The following BCL11A variants were observed in gnomAD, a reference collection of about 807,000 sequenced individuals.
BCL11A encodes the protein BCL11 transcription factor A, also known as B cell CLL/lymphoma 11A.
In BCL11A, 2 loss-of-function variants were observed where a neutral mutation model predicts 55.9. That is an observed-to-expected ratio of 0.04 (90% CI 0.01 to 0.11). The LOEUF (loss-of-function observed/expected upper bound fraction) is 0.11. BCL11A is among the 10% of genes least tolerant of loss of function. BCL11A has a pLI of 1.00. For missense variants in BCL11A, 817 were observed against 1,137.1 expected, an observed-to-expected ratio of 0.72 and a Z score of 4.05; for synonymous variants, 465 against 473.4, an observed-to-expected ratio of 0.98 and a Z score of 0.23.
chr2:60,538,999 G>C (rs1669799619), intron 2 of BCL11A, among the ~76,000 whole-genome samples: 1 of 152,212 alleles, frequency 6.6e-6, no homozygotes, highest in Admixed American at 6.5e-5. Flanking sequence ...GGAGGTGGCA[G>C]AGTTGGGGAG....
intron 2 of BCL11A, chr2:60,545,636 T>C (rs1459845581): frequency 8.3e-6 from 2 of 240,898 alleles, no homozygotes; most frequent in Admixed American, 5.1e-5. Flanking sequence ...AAATGGACAA[T>C]GGAAGCTGGA....
intron 2 of BCL11A, among the ~76,000 whole-genome samples, chr2:60,485,104 A>T (rs1678196574): frequency 1.3e-5 from 2 of 152,228 alleles, no homozygotes; most frequent in African/African-American, 2.4e-5. Flanking sequence ...TTGCAGCCAC[A>T]ATTTCGCAAG....
intron 2 of BCL11A, among the ~76,000 whole-genome samples, chr2:60,516,318 G>A (rs1428475956): frequency 6.6e-6 from 1 of 152,214 alleles, no homozygotes; most frequent in African/African-American, 2.4e-5. Flanking sequence ...ACTCAAAAAA[G>A]ACTTGGCTCT....
intron 2 of BCL11A, among the ~76,000 whole-genome samples, chr2:60,480,245 G>A (rs1325614504): frequency 1.3e-5 from 2 of 152,144 alleles, no homozygotes; most frequent in Admixed American, 6.5e-5. Context: ...TCTGAACCTG[G>A]CTCTCCACTC....
In BCL11A at chr2:60,461,496, G is replaced by T; in HGVS notation, c.1416C>A (p.Ser472Arg). ...ALKSVVAKFK[S>R]ENDPNLIPEN... ...CCGGGATCAGGTTGGGGTCGTTCTCGCTCTTGAACTTGGCCACCACGGACT... is the reference window on the plus strand; with the variant it reads ...CCGGGATCAGGTTGGGGTCGTTCTCTCTCTTGAACTTGGCCACCACGGACT... Residue 472 changes from serine to arginine, a missense_variant, in exon 4 of 4, where the codon AGC becomes AGA. Coordinates refer to ENST00000642384, the MANE Select transcript of BCL11A (RefSeq NM_022893.4). The T allele has an allele frequency of 6.2e-7, 1 of 1,605,608 alleles. No homozygotes were observed.
chr2:60,463,351 A>G (rs1443157194), intron 3 of BCL11A, among the ~76,000 whole-genome samples: 1 of 152,256 alleles, frequency 6.6e-6, no homozygotes, highest in Non-Finnish European at 1.5e-5. Flanking sequence ...GCGCCATGAC[A>G]GGCAGCAGGC....
chr2:60,553,791 G>A (rs1670521464), upstream of BCL11A: 1 of 148,382 alleles, frequency 6.7e-6, no homozygotes, highest in African/African-American at 2.5e-5. Flanking sequence ...AGGGGGAGGT[G>A]CGGGGCGGGG....
In BCL11A at chr2:60,461,537, C is replaced by T; in HGVS notation, c.1375G>A (p.Ala459Thr). 2 of 1,609,484 alleles carry T rather than the reference C, an allele frequency of 1.2e-6. No homozygotes were observed. Among genetic ancestry groups the T allele is most frequent in the Non-Finnish European group, 8.5e-7 (1 of 1,179,994 alleles). ...EPGTSDLVGS[A>T]SSALKSVVAK... Reference sequence around the variant, plus strand: ...ACCACGGACTTGAGCGCGCTGCTGGCGCTGCCCACCAAGTCGCTGGTGCCG... The same window carrying T: ...ACCACGGACTTGAGCGCGCTGCTGGTGCTGCCCACCAAGTCGCTGGTGCCG... The change falls in exon 4 of 4, where the codon GCC becomes ACC. Residue 459 changes from alanine to threonine, a missense_variant. Transcript: ENST00000642384.
At position 60,458,105 on chromosome 2, in the gene BCL11A, G is replaced by A; in HGVS notation, c.*2299C>T. 1.9e-6 allele frequency: 2 copies of A among 1,030,030 alleles called. No homozygotes were observed. Among genetic ancestry groups the A allele is most frequent in the South Asian group, 9.2e-5 (2 of 21,624 alleles). 63.8% of individuals were successfully genotyped at this position (1,030,030 alleles called of 1,614,324 possible). A position where few individuals can be genotyped will look rare whatever the true frequency, so the allele number is the denominator to read the frequency against. ...GAACAAGCAACAGTTAAAAATACAA[G>A]CTTCAATATAAATACTATAGTGCCT... is the stretch of plus-strand genomic sequence containing the variant. On this transcript the variant is annotated 3_prime_UTR_variant, in exon 4 of 4. Transcript: ENST00000642384.
At position 60,460,969 on chromosome 2, in the gene BCL11A, G is replaced by A. The variant is rs987223589; in HGVS notation, c.1943C>T (p.Ala648Val). The A allele has an allele frequency of 2.5e-6, 4 of 1,610,268 alleles. No individual in the cohort carries two copies. In the African/African-American group the frequency reaches 4.0e-5, roughly 16 times the overall value. ...LEKEFDLPPA[A>V]MPNTENVYSQ... ...GTACACGTTCTCCGTGTTGGGCATC[G>A]CGGCCGGGGGCAGGTCGAACTCCTT... Residue 648 changes from alanine to valine, a missense_variant, in exon 4 of 4, where the codon GCG becomes GTG. Transcript: ENST00000642384.
rs932013583 is a variant in BCL11A, at chr2:60,460,364, G to C, written c.*40C>G. ...TGGGGAAGGGGAGTGGTGAAAAAGG[G>C]GGTGTCAGGTGGGAGTGAGGGAGGG... is the stretch of plus-strand genomic sequence containing the variant. On this transcript the variant is annotated 3_prime_UTR_variant, in exon 4 of 4. Coordinates refer to ENST00000642384, the MANE Select transcript of BCL11A (RefSeq NM_022893.4). The C allele has an allele frequency of 6.5e-7, 1 of 1,550,066 alleles. No individual in the cohort carries two copies. Among genetic ancestry groups the C allele is most frequent in the East Asian group, 2.3e-5 (1 of 44,076 alleles).
intron 2 of BCL11A, among the ~76,000 whole-genome samples, chr2:60,478,699 T>C (rs1677775604): frequency 6.6e-6 from 1 of 152,246 alleles, no homozygotes; most frequent in African/African-American, 2.4e-5. Flanking sequence ...TAACATTTCT[T>C]CAGGAATAAA....
At chr2:60,476,898 T>G (rs750088992) in intron 2 of BCL11A, among the ~76,000 whole-genome samples, 2 of 152,238 alleles carry the variant, frequency 1.3e-5, no homozygotes, top group Admixed American at 6.5e-5. Flanking sequence ...TTAATGAGAT[T>G]TTTGTGTGTA....
intron 2 of BCL11A, among the ~76,000 whole-genome samples, chr2:60,511,177 G>C (rs45491193): frequency 0.079 from 11,977 of 152,170 alleles, 641 homozygotes; most frequent in Middle Eastern, 0.12. Flanking sequence ...CTTGCTTTCA[G>C]ATTCTCCCTC....
At chr2:60,552,129 G>A (rs890185604) in intron 1 of BCL11A, among the ~76,000 whole-genome samples, 1 of 151,230 alleles carries the variant, frequency 6.6e-6, no homozygotes, top group East Asian at 1.9e-4. Flanking sequence ...GAGATTGTGA[G>A]ATTTTTGCAG....
At chr2:60,466,976 A>G (rs896356767) in intron 3 of BCL11A, among the ~76,000 whole-genome samples, 7 of 152,248 alleles carry the variant, frequency 4.6e-5, no homozygotes, top group Non-Finnish European at 1.0e-4. Context: ...CTAAAACAGT[A>G]TCTTTCAGAA....
chr2:60,464,840 T>C lies in BCL11A; in HGVS notation c.488-2416A>G, dbSNP rs149474880. Among the ~76,000 whole-genome samples, 85 of 152,338 alleles carry C rather than the reference T, an allele frequency of 5.6e-4. 3 individuals are homozygous for C. The East Asian group carries it at 0.013, about 24-fold the overall frequency. On this transcript the variant is annotated intron_variant, in intron 3 of 3. Transcript: ENST00000642384. ...ATCATGCTACAGTATGTTAACACTGTGATGTTATCCTCCCCTCTCTCTCAT... is the reference window on the plus strand; with the variant it reads ...ATCATGCTACAGTATGTTAACACTGCGATGTTATCCTCCCCTCTCTCTCAT...
intron 2 of BCL11A, among the ~76,000 whole-genome samples, chr2:60,497,462 T>A (rs2104373890): frequency 6.6e-6 from 1 of 152,244 alleles, no homozygotes; most frequent in Admixed American, 6.5e-5. Context: ...TGCTTTGAAG[T>A]CTAGACTTAA....
intron 2 of BCL11A, among the ~76,000 whole-genome samples, chr2:60,531,908 C>T (rs184820363): frequency 9.9e-4 from 150 of 152,236 alleles, no homozygotes; most frequent in African/African-American, 3.5e-3. Context: ...GAAATAAGCC[C>T]ACCTAAATGA....
Sources: allele counts gnomAD v4.1 joint callset (sites outside exome capture counted in the v4.1 genomes callset), GRCh38; gene constraint gnomAD v4.1.1; transcripts MANE v1.5; gene names NCBI Gene and HGNC (gene_info 2026-07-23, HGNC 2026-07-21).